MARCHF1: variants seen among roughly 807,000 people sequenced by gnomAD.
MARCHF1 encodes the protein E3 ubiquitin-protein ligase MARCHF1.
Under a neutral mutation model 54.2 loss-of-function variants are expected in MARCHF1, and 40 were observed. That is an observed-to-expected ratio of 0.74 (90% confidence interval 0.57 to 0.96). MARCHF1 has a LOEUF of 0.96. Among genes scored for constraint, MARCHF1 ranks in the 40% least tolerant of loss-of-function variants. The pLI is 0.00. For missense variants in MARCHF1, 586 were observed against 656.5 expected, an observed-to-expected ratio of 0.89 and a Z score of 1.17; for synonymous variants, 236 against 236.3, an observed-to-expected ratio of 1.00 and a Z score of 0.01.
intron 9 of MARCHF1, among the ~76,000 whole-genome samples, chr4:163,544,518 C>T (rs1738828327): frequency 6.6e-6 from 1 of 152,190 alleles, no homozygotes; most frequent in African/African-American, 2.4e-5. Context: ...TTCCCTTTAT[C>T]CCCGCAGCCC....
intron 1 of MARCHF1, among the ~76,000 whole-genome samples, chr4:164,132,595 T>C (rs907750494): frequency 1.3e-5 from 2 of 152,156 alleles, no homozygotes; most frequent in South Asian, 2.1e-4. Context: ...CGCACATTTT[T>C]CCCCCTGCAA....
At chr4:163,960,559 A>G (rs529285095) in intron 3 of MARCHF1, among the ~76,000 whole-genome samples, 25 of 152,134 alleles carry the variant, frequency 1.6e-4, no homozygotes, top group Admixed American at 6.6e-4. Flanking sequence ...GCAGGAATAG[A>G]AAACAAAATA....
At chr4:163,836,809 T>C (rs1749200800) in intron 4 of MARCHF1, among the ~76,000 whole-genome samples, 1 of 150,484 alleles carries the variant, frequency 6.6e-6, no homozygotes, top group Non-Finnish European at 1.5e-5. Context: ...AGGACTACAA[T>C]AGAAGAATTA....
intron 2 of MARCHF1, among the ~76,000 whole-genome samples, chr4:164,010,254 G>GT (rs1491233559): frequency 6.7e-4 from 100 of 148,388 alleles, no homozygotes; most frequent in African/African-American, 2.4e-3. Flanking sequence ...GTTGTTTTTT[G>GT]GTTTTTTTTT....
chr4:164,041,721 T>C (rs908210797), intron 2 of MARCHF1, among the ~76,000 whole-genome samples: 8 of 152,148 alleles, frequency 5.3e-5, no homozygotes, highest in Non-Finnish European at 1.2e-4. Flanking sequence ...ACCACAGATA[T>C]GACCAATCAG....
intron 7 of MARCHF1, among the ~76,000 whole-genome samples, chr4:163,598,402 G>T (rs142351934): frequency 9.9e-5 from 15 of 152,280 alleles, no homozygotes; most frequent in African/African-American, 3.4e-4. Flanking sequence ...TAATGACAGG[G>T]ATACGTTCTG....
At chr4:164,073,190 G>C (rs902241398) in intron 2 of MARCHF1, among the ~76,000 whole-genome samples, 1 of 152,158 alleles carries the variant, frequency 6.6e-6, no homozygotes. Flanking sequence ...GATGAGTATT[G>C]GAAGTGTGTG....
At chr4:164,383,511 C>T (rs1731437000) in intron 1 of MARCHF1, 1 of 152,322 alleles carries the variant, frequency 6.6e-6, no homozygotes, top group Admixed American at 6.5e-5. Flanking sequence ...TAGTACCACG[C>T]CGGTGTAAAC....
chr4:163,976,427 AAAG>A (rs1483525325), intron 3 of MARCHF1, among the ~76,000 whole-genome samples: 1 of 152,180 alleles, frequency 6.6e-6, no homozygotes, highest in Non-Finnish European at 1.5e-5. Context: ...CTAGAATACA[AAAG>A]AAGAAATATA....
At chr4:164,325,778 T>A (rs58444664) in intron 1 of MARCHF1, among the ~76,000 whole-genome samples, 22,027 of 151,872 alleles carry the variant, frequency 0.15, 2,459 homozygotes, top group East Asian at 0.43. Flanking sequence ...AAAACCTAAA[T>A]TGTATAGAAA....
chr4:163,707,786 TAAAA>T (rs777522371), intron 4 of MARCHF1, among the ~76,000 whole-genome samples: 4 of 65,886 alleles, frequency 6.1e-5, no homozygotes, highest in Admixed American at 1.5e-4. Context: ...TGTTTTGAAC[TAAAA>T]AAAAAAAAAA....
Position 164,068,501 on chromosome 4 carries a change from A to C in MARCHF1, c.-248+43087T>G, listed in dbSNP as rs1313943221. On this transcript the variant is annotated intron_variant, in intron 2 of 9. Transcript: ENST00000514618. Reference sequence around the variant, plus strand: ...GCCCCACAATTCGGAGCGGCCGGCCAGCCCCGCCGGCCCCGAGCAGTGAGG... The same window carrying C: ...GCCCCACAATTCGGAGCGGCCGGCCCGCCCCGCCGGCCCCGAGCAGTGAGG... 2.6e-5 allele frequency among the ~76,000 whole-genome samples: 4 copies of C among 152,062 alleles called. No homozygotes were observed. The East Asian group carries it at 7.8e-4, about 29-fold the overall frequency.
intron 3 of MARCHF1, among the ~76,000 whole-genome samples, chr4:163,976,844 T>C (rs1579434917): frequency 6.6e-6 from 1 of 152,172 alleles, no homozygotes; most frequent in Admixed American, 6.5e-5. Context: ...CAGATTTCTA[T>C]GCAGTGCATT....
At chr4:163,927,530 T>C (rs1231194511) in intron 3 of MARCHF1, among the ~76,000 whole-genome samples, 7 of 151,934 alleles carry the variant, frequency 4.6e-5, no homozygotes, top group South Asian at 2.1e-4. Context: ...TTTCAGTGCA[T>C]TGGAGGTTTT....
intron 1 of MARCHF1, among the ~76,000 whole-genome samples, chr4:164,116,124 T>G (rs1392102561): frequency 6.6e-6 from 1 of 152,122 alleles, no homozygotes; most frequent in Admixed American, 6.6e-5. Flanking sequence ...TTATCAATAG[T>G]TAATGGGAAA....
At position 163,755,849 on chromosome 4, in the gene MARCHF1, GTGTACATGAACT is replaced by G. The variant is rs1746650875; in HGVS notation, c.112-54998_112-54987del. Among the ~76,000 whole-genome samples, 2 of 152,124 alleles carry G rather than the reference GTGTACATGAACT, an allele frequency of 1.3e-5. 1 individual carries two copies. Among genetic ancestry groups the G allele is most frequent in the South Asian group, 4.1e-4 (2 of 4,824 alleles). On this transcript the variant is annotated intron_variant, in intron 4 of 9. Transcript: ENST00000514618. ...GGAACATATAGACAACTATGTAAAGGTGTACATGAACTTTGTCTTCCTAGGGAAGTAAGCGAT... is the reference window on the plus strand; with the variant it reads ...GGAACATATAGACAACTATGTAAAGGTTGTCTTCCTAGGGAAGTAAGCGAT...
intron 3 of MARCHF1, among the ~76,000 whole-genome samples, chr4:163,980,724 T>C (rs1415221923): frequency 6.6e-6 from 1 of 152,210 alleles, no homozygotes; most frequent in Non-Finnish European, 1.5e-5. Flanking sequence ...ACTGTAGTAG[T>C]AGTTTCACAT....
chr4:163,962,663 T>G (rs1752364415), intron 3 of MARCHF1, among the ~76,000 whole-genome samples: 1 of 151,950 alleles, frequency 6.6e-6, no homozygotes, highest in Non-Finnish European at 1.5e-5. Context: ...AGCTTTTCTA[T>G]TCTCCTTAAT....
chr4:163,994,733 GCACACATACACACACACACACACA>G (rs1753034218), intron 2 of MARCHF1, among the ~76,000 whole-genome samples: 1 of 94,328 alleles, frequency 1.1e-5, no homozygotes, highest in African/African-American at 4.0e-5. Context: ...TCCTAATCAA[GCACACATACACACACACACACACA>G]CACACACACA....
Sources: allele counts gnomAD v4.1 joint callset (sites outside exome capture counted in the v4.1 genomes callset), GRCh38; gene constraint gnomAD v4.1.1; transcripts MANE v1.5; gene names NCBI Gene and HGNC (gene_info 2026-07-23, HGNC 2026-07-21).